Variants in IL1RAPL1 observed in about 807,000 individuals in gnomAD.
IL1RAPL1 encodes interleukin 1 receptor accessory protein like 1.
Under a neutral mutation model 48.4 loss-of-function variants are expected in IL1RAPL1, and 3 were observed. That is an observed-to-expected ratio of 0.06 (90% CI 0.03 to 0.16). The LOEUF (loss-of-function observed/expected upper bound fraction) is 0.16, where lower values mean the gene tolerates loss of function less well. Among genes scored for constraint, IL1RAPL1 ranks in the 10% least tolerant of loss-of-function variants. The pLI is 1.00. For synonymous variants in IL1RAPL1, 185 were observed against 187.7 expected, an observed-to-expected ratio of 0.99 and a Z score of 0.12; for missense variants, 349 against 530.6, an observed-to-expected ratio of 0.66 and a Z score of 3.36.
chrX:29,780,218 A>C (rs191069607), intron 6 of IL1RAPL1, among the ~76,000 whole-genome samples: 243 of 112,091 alleles, frequency 2.2e-3, no homozygotes, highest in African/African-American at 7.6e-3. Flanking sequence ...AAGTGTTACA[A>C]ATTCTTAAAA....
At chrX:28,634,077 T>C (rs1934431940) in intron 1 of IL1RAPL1, among the ~76,000 whole-genome samples, 1 of 110,586 alleles carries the variant, frequency 9.0e-6, no homozygotes, top group African/African-American at 3.3e-5. Flanking sequence ...GCTATCTATC[T>C]GGGCTCATTG....
At chrX:29,077,713 A>G (rs1023143962) in intron 2 of IL1RAPL1, among the ~76,000 whole-genome samples, 1 of 112,014 alleles carries the variant, frequency 8.9e-6, no homozygotes, top group African/African-American at 3.2e-5. Context: ...ATGAAAGCCA[A>G]TTTGATGGTT....
intron 2 of IL1RAPL1, among the ~76,000 whole-genome samples, chrX:29,088,497 G>A (rs1400897794): frequency 1.8e-5 from 2 of 108,867 alleles, no homozygotes; most frequent in East Asian, 5.8e-4. Context: ...CCAACATGGT[G>A]AAACCCTGTC....
intron 6 of IL1RAPL1, among the ~76,000 whole-genome samples, chrX:29,726,317 C>T (rs922559056): frequency 8.9e-6 from 1 of 112,038 alleles, no homozygotes; most frequent in South Asian, 3.7e-4. Flanking sequence ...ATGGTTAAAT[C>T]CAGCTAATTA....
chrX:28,595,841 T>A (rs1337550572), intron 1 of IL1RAPL1, among the ~76,000 whole-genome samples: 1 of 111,841 alleles, frequency 8.9e-6, no homozygotes, highest in Non-Finnish European at 1.9e-5. Context: ...GTTCTCACCA[T>A]GACAGAACTC....
rs139085190 is a variant in IL1RAPL1 at position 29,569,557 on chromosome X, A to G, written c.704-98873A>G. Reference sequence around the variant, plus strand: ...TTCACTTTATCACATTGCTTCAACAATAGACTGTTAAGGCAGTGGAATAAT... The same window carrying G: ...TTCACTTTATCACATTGCTTCAACAGTAGACTGTTAAGGCAGTGGAATAAT... On this transcript the variant is annotated intron_variant, in intron 5 of 10. Coordinates refer to ENST00000378993, the MANE Select transcript of IL1RAPL1 (RefSeq NM_014271.4). Among the ~76,000 whole-genome samples the G allele has an allele frequency of 1.2e-3, 134 of 110,881 alleles. 1 individual carries two copies. The highest frequency in any genetic ancestry group is 4.1e-3 in the African/African-American group (127 of 30,617).
At chrX:29,226,755 TG>T (rs779348493) in intron 2 of IL1RAPL1, among the ~76,000 whole-genome samples, 1 of 77,495 alleles carries the variant, frequency 1.3e-5, no homozygotes, top group Non-Finnish European at 3.4e-5. Context: ...TTTTAACAGA[TG>T]AAAAAAAAAC....
At chrX:29,274,332 A>G (rs961974067) in intron 2 of IL1RAPL1, among the ~76,000 whole-genome samples, 2 of 112,179 alleles carry the variant, frequency 1.8e-5, no homozygotes, top group African/African-American at 3.2e-5. Context: ...TTTACAATAT[A>G]TTATATATTT....
At chrX:29,809,792 T>G (rs1167260962) in intron 6 of IL1RAPL1, among the ~76,000 whole-genome samples, 1 of 109,498 alleles carries the variant, frequency 9.1e-6, no homozygotes, top group Non-Finnish European at 1.9e-5. Context: ...TTTTTTTTTT[T>G]GCTCATCATA....
intron 1 of IL1RAPL1, among the ~76,000 whole-genome samples, chrX:28,612,140 A>G (rs1161545662): frequency 9.0e-6 from 1 of 111,381 alleles, no homozygotes; most frequent in Non-Finnish European, 1.9e-5. Context: ...CAAGAAAACA[A>G]AAAGATACCT....
chrX:28,841,509 T>C (rs1391100799), intron 2 of IL1RAPL1, among the ~76,000 whole-genome samples: 1 of 110,945 alleles, frequency 9.0e-6, no homozygotes, highest in Non-Finnish European at 1.9e-5. Flanking sequence ...TTGCCTAAAA[T>C]TGATTTATAA....
chrX:29,730,228 C>T (rs188802438), intron 6 of IL1RAPL1, among the ~76,000 whole-genome samples: 6 of 111,909 alleles, frequency 5.4e-5, no homozygotes, highest in African/African-American at 1.9e-4. Flanking sequence ...CAGCAGGCAA[C>T]TCTGCTAATA....
chrX:29,923,420 AAGAC>A (rs1932861779), intron 8 of IL1RAPL1, among the ~76,000 whole-genome samples: 1 of 112,182 alleles, frequency 8.9e-6, no homozygotes, highest in African/African-American at 3.2e-5. Flanking sequence ...CAGCAAGAGA[AAGAC>A]AGAGAATGAA....
intron 5 of IL1RAPL1, among the ~76,000 whole-genome samples, chrX:29,430,593 A>ATG (rs1190938424): frequency 1.5e-3 from 77 of 50,825 alleles, no homozygotes; most frequent in Middle Eastern, 8.2e-3. Context: ...ATATATATAT[A>ATG]TGTGTGTGTG....
intron 5 of IL1RAPL1, among the ~76,000 whole-genome samples, chrX:29,402,901 A>G (rs1464818539): frequency 9.0e-6 from 1 of 111,647 alleles, no homozygotes; most frequent in African/African-American, 3.3e-5. Context: ...GGTCCTTGGA[A>G]GAAAAAACAC....
At chrX:29,660,513 G>T (rs915771646) in intron 5 of IL1RAPL1, among the ~76,000 whole-genome samples, 2 of 111,641 alleles carry the variant, frequency 1.8e-5, no homozygotes, top group African/African-American at 6.5e-5. Flanking sequence ...GTTTATTTTT[G>T]TATATGGTAA....
At chrX:28,774,661 A>G (rs1457685133) in intron 1 of IL1RAPL1, among the ~76,000 whole-genome samples, 2 of 111,791 alleles carry the variant, frequency 1.8e-5, no homozygotes, top group East Asian at 2.8e-4. Flanking sequence ...GAAATGACAT[A>G]CCATCACTCT....
At chrX:28,997,944 A>G (rs923809170) in intron 2 of IL1RAPL1, among the ~76,000 whole-genome samples, 1 of 112,009 alleles carries the variant, frequency 8.9e-6, no homozygotes, top group African/African-American at 3.2e-5. Flanking sequence ...GTTTATGATT[A>G]GTTTGGCTAA....
intron 2 of IL1RAPL1, among the ~76,000 whole-genome samples, chrX:29,159,818 TCTC>T (rs1929645939): frequency 8.9e-6 from 1 of 111,907 alleles, no homozygotes; most frequent in Admixed American, 9.5e-5. Flanking sequence ...TTCAAGTGAT[TCTC>T]CTGCCTTAGC....
Sources: gnomAD v4.1 joint callset for allele counts (sites outside exome capture counted in the v4.1 genomes callset) on GRCh38, gnomAD v4.1.1 for gene constraint, MANE v1.5 for transcripts, NCBI Gene and HGNC (gene_info 2026-07-23, HGNC 2026-07-21) for gene names.